The following INTS6 variants were observed in gnomAD, a reference collection of about 807,000 sequenced individuals.
The protein encoded by INTS6 is DEAD box protein.
A neutral mutation model predicts 104.9 loss-of-function variants in INTS6; 16 were observed. The observed-to-expected ratio is 0.15, with a 90% CI of 0.10 to 0.23. The LOEUF (loss-of-function observed/expected upper bound fraction) is 0.23, where lower values mean the gene tolerates loss of function less well. Among genes scored for constraint, INTS6 ranks in the 10% least tolerant of loss-of-function variants. INTS6 has a pLI of 1.00. For missense variants in INTS6, 584 were observed against 1,062.8 expected, an observed-to-expected ratio of 0.55 and a Z score of 6.26; for synonymous variants, 324 against 358.7, an observed-to-expected ratio of 0.90 and a Z score of 1.09.
intron 4 of INTS6, among the ~76,000 whole-genome samples, chr13:51,413,951 C>T (rs1001944212): frequency 8.5e-5 from 13 of 152,190 alleles, no homozygotes; most frequent in African/African-American, 2.9e-4. Context: ...CTTCCTTCTA[C>T]TAATTAAACC....
the INTS6 span, chr13:51,348,302 C>T: frequency 1.2e-5 from 19 of 1,612,900 alleles, no homozygotes; most frequent in Middle Eastern, 3.3e-4. Context: ...GGTGCTGCCC[C>T]GTGACAAAGA....
At chr13:51,415,167 G>A (rs769723681) in intron 4 of INTS6, among the ~76,000 whole-genome samples, 3 of 150,402 alleles carry the variant, frequency 2.0e-5, no homozygotes, top group Non-Finnish European at 4.4e-5. Flanking sequence ...GCACAGAACC[G>A]TTCACTTAAA....
At chr13:51,394,226 C>A (rs1251846054) in intron 5 of INTS6, among the ~76,000 whole-genome samples, 1 of 151,992 alleles carries the variant, frequency 6.6e-6, no homozygotes, top group Non-Finnish European at 1.5e-5. Context: ...TACATATATG[C>A]CTTTTTTACC....
intron 3 of INTS6, chr13:51,450,551 A>G: frequency 4.1e-6 from 4 of 985,520 alleles, no homozygotes; most frequent in Admixed American, 6.1e-5. Context: ...ACTGTACTCC[A>G]GTGAAAAACT....
intron 3 of INTS6, among the ~76,000 whole-genome samples, chr13:51,433,948 A>G (rs1276625161): frequency 2.0e-5 from 3 of 152,252 alleles, no homozygotes; most frequent in Admixed American, 6.5e-5. Context: ...ATTAAATGAT[A>G]TAACTCAAGG....
chr13:51,342,486 C>A, the INTS6 span, among the ~76,000 whole-genome samples: 1 of 152,324 alleles, frequency 6.6e-6, no homozygotes, highest in Non-Finnish European at 1.5e-5. Context: ...ACACAGTCAA[C>A]CTCCGGCATT....
At chr13:51,398,188 A>G (rs1157460278) in intron 4 of INTS6, among the ~76,000 whole-genome samples, 1 of 152,192 alleles carries the variant, frequency 6.6e-6, no homozygotes, top group African/African-American at 2.4e-5. Context: ...TAAAATCTGA[A>G]GGAAAAATCT....
chr13:51,419,421 GTTT>G (rs1241356526), intron 4 of INTS6, among the ~76,000 whole-genome samples: 1 of 152,118 alleles, frequency 6.6e-6, no homozygotes, highest in Non-Finnish European at 1.5e-5. Context: ...TCCTGCTGCT[GTTT>G]TTCTTGAACA....
intron 3 of INTS6, chr13:51,443,875 CTAAA>C (rs758845915): frequency 1.1e-4 from 17 of 152,274 alleles, no homozygotes; most frequent in Middle Eastern, 6.8e-3. Context: ...ATGAACATGA[CTAAA>C]TAAACAATCC....
intron 15 of INTS6, among the ~76,000 whole-genome samples, chr13:51,372,294 T>C (rs1374807603): frequency 1.3e-5 from 2 of 149,566 alleles, no homozygotes; most frequent in African/African-American, 2.5e-5. Context: ...TCCATTTCTC[T>C]TGATTGAACA....
chr13:51,421,179 G>A (rs1017055187), intron 4 of INTS6: 1 of 985,636 alleles, frequency 1.0e-6, no homozygotes, highest in Non-Finnish European at 1.2e-6. Flanking sequence ...CTAGCCATTA[G>A]ACAAGGCTTT....
intron 4 of INTS6, among the ~76,000 whole-genome samples, chr13:51,426,167 T>A (rs2138084718): frequency 6.6e-6 from 1 of 152,218 alleles, no homozygotes; most frequent in Non-Finnish European, 1.5e-5. Context: ...CTCAAGATTT[T>A]CATTCATAAT....
In INTS6 at chr13:51,389,342, C is replaced by T; in HGVS notation, c.716G>A (p.Gly239Glu). ...ACCTTCTACAGGGGAAGGATCTGGT[C>T]CTGCTTTTTCAAAGTTTATTACCAC... is the stretch of plus-strand genomic sequence containing the variant. ...SGVVINFEKA[G>E]PDPSPVEDGQ... The change falls in exon 6 of 18, where the codon GGA becomes GAA. Residue 239 changes from glycine (G) to glutamate (E), a missense_variant. Gly to Glu is a moderately conservative substitution (Grantham distance 98). Transcript: ENST00000311234. 1 of 1,613,392 alleles carries T rather than the reference C, an allele frequency of 6.2e-7. No homozygotes were observed. The highest frequency in any genetic ancestry group is 8.5e-7 in the Non-Finnish European group (1 of 1,179,736).
At chr13:51,393,134 G>A (rs978315018) in intron 5 of INTS6, among the ~76,000 whole-genome samples, 36 of 148,876 alleles carry the variant, frequency 2.4e-4, no homozygotes, top group African/African-American at 9.0e-4. Flanking sequence ...CTGGAGTGCA[G>A]TGGTACGATC....
intron 4 of INTS6, among the ~76,000 whole-genome samples, chr13:51,396,354 T>G (rs1464021792): frequency 6.6e-6 from 1 of 151,976 alleles, no homozygotes; most frequent in Non-Finnish European, 1.5e-5. Flanking sequence ...GGTTTGGGGG[T>G]TTTTGTATGT....
Position 51,389,400 on chromosome 13 carries a change from G to A in INTS6, c.658C>T (p.Leu220=), listed in dbSNP as rs777558033. The A allele has an allele frequency of 1.1e-5, 17 of 1,613,122 alleles. No homozygotes were observed. Among genetic ancestry groups the A allele is most frequent in the East Asian group, 2.2e-5 (1 of 44,794 alleles). The change falls in exon 6 of 18, where the codon CTG becomes TTG. Residue 220 remains leucine, a synonymous_variant. Coordinates refer to ENST00000311234, the MANE Select transcript of INTS6 (RefSeq NM_012141.3). ...TGTACTTTCTGCACCAAGGACTCCAGACACTGATTAAGCATTCTTGGAGAA... is the reference window on the plus strand; with the variant it reads ...TGTACTTTCTGCACCAAGGACTCCAAACACTGATTAAGCATTCTTGGAGAA... ...VCSPRMLNQC[L]ESLVQKVQSG...
intron 4 of INTS6, among the ~76,000 whole-genome samples, chr13:51,429,913 CCA>C (rs1957061253): frequency 6.6e-6 from 1 of 151,156 alleles, no homozygotes; most frequent in South Asian, 2.1e-4. Flanking sequence ...CAAGGAGTTT[CCA>C]CAGTCGCTGG....
downstream of INTS6, among the ~76,000 whole-genome samples, chr13:51,350,359 C>A (rs1410258036): frequency 6.6e-6 from 1 of 151,992 alleles, no homozygotes; most frequent in Non-Finnish European, 1.5e-5. Context: ...TCAAGAAAAC[C>A]AAGAATGTGT....
chr13:51,412,909 A>G (rs1956713377), intron 4 of INTS6, among the ~76,000 whole-genome samples: 1 of 152,238 alleles, frequency 6.6e-6, no homozygotes, highest in South Asian at 2.1e-4. Context: ...AACTAGATCA[A>G]CTAGTAGGCA....
Sources: gnomAD v4.1 joint callset for allele counts (sites outside exome capture counted in the v4.1 genomes callset) on GRCh38, gnomAD v4.1.1 for gene constraint, MANE v1.5 for transcripts, NCBI Gene and HGNC (gene_info 2026-07-23, HGNC 2026-07-21) for gene names.